Variants in LY75 observed in about 807,000 individuals in gnomAD.
LY75 encodes the protein C-type lectin domain family 13 member B.
LY75 carries 185 observed loss-of-function variants against 231.7 expected under a neutral mutation model. The ratio of observed to expected loss-of-function variants is 0.80; its 90% confidence interval spans 0.71 to 0.90. LY75 has a LOEUF of 0.90. Among genes scored for constraint, LY75 ranks in the 40% least tolerant of loss-of-function variants. LY75 has a pLI of 0.00. For synonymous variants in LY75, 668 were observed against 689.0 expected, an observed-to-expected ratio of 0.97 and a Z score of 0.48; for missense variants, 1,947 against 2,050.2, an observed-to-expected ratio of 0.95 and a Z score of 0.97.
At chr2:159,815,104 C>G (rs1683080421) in intron 31 of LY75, among the ~76,000 whole-genome samples, 1 of 150,870 alleles carries the variant, frequency 6.6e-6, no homozygotes, top group Non-Finnish European at 1.5e-5. Flanking sequence ...GGGTTCACGC[C>G]ATTCTCCCGC....
At chr2:159,881,908 G>T (rs1685447576) in intron 7 of LY75, among the ~76,000 whole-genome samples, 1 of 152,238 alleles carries the variant, frequency 6.6e-6, no homozygotes, top group Non-Finnish European at 1.5e-5. Context: ...TTCCTCAGTT[G>T]CCCTGGCTAC....
intron 6 of LY75, among the ~76,000 whole-genome samples, chr2:159,884,509 T>G (rs1247525739): frequency 1.3e-5 from 2 of 152,166 alleles, no homozygotes; most frequent in Admixed American, 6.6e-5. Context: ...TGTACACATT[T>G]TGTCCCTCTG....
chr2:159,887,076 T>A (rs2125879616), intron 4 of LY75, among the ~76,000 whole-genome samples: 1 of 150,366 alleles, frequency 6.7e-6, no homozygotes, highest in African/African-American at 2.4e-5. Flanking sequence ...GGGTCAGAAA[T>A]ATGTATAGGA....
At chr2:159,894,755 C>T (rs756218041) in intron 2 of LY75, among the ~76,000 whole-genome samples, 3 of 152,172 alleles carry the variant, frequency 2.0e-5, no homozygotes, top group Admixed American at 6.5e-5. Context: ...ATGTGACCGG[C>T]GGGGGGCCAG....
At chr2:159,879,215 G>C (rs1325160776) in intron 9 of LY75, 44 bp downstream of exon 9, 6 of 1,595,826 alleles carry the variant, frequency 3.8e-6, no homozygotes, top group Non-Finnish European at 4.3e-6. Context: ...TAACCAAGAA[G>C]TTGTAATACT....
chr2:159,885,178 T>C lies in LY75; in HGVS notation c.1029A>G (p.Pro343=). The C allele has an allele frequency of 6.2e-7, 1 of 1,613,542 alleles. No individual in the cohort carries two copies. The highest frequency in any genetic ancestry group is 8.5e-7 in the Non-Finnish European group (1 of 1,179,644). ...CTGTTAACTCCACTGTATTATTTAATGGTTTCCTGCAGACATAGGGCAGTT... is the reference window on the plus strand; with the variant it reads ...CTGTTAACTCCACTGTATTATTTAACGGTTTCCTGCAGACATAGGGCAGTT... The part of the protein sequence containing the change: ...EAQLPYVCRK[P]LNNTVELTDV... Residue 343 remains proline (P), a synonymous_variant, in exon 6 of 35, where the codon CCA becomes CCG. Transcript: ENST00000263636.
intron 25 of LY75, 61 bp downstream of exon 25, chr2:159,840,668 T>C (rs765674219): frequency 6.2e-5 from 99 of 1,608,558 alleles, no homozygotes; most frequent in South Asian, 9.9e-5. Flanking sequence ...AGAGAAGCTA[T>C]GCACAATAAA....
chr2:159,806,854 A>G lies in LY75; in HGVS notation c.4990+119T>C, dbSNP rs558346998. On this transcript the variant is annotated intron_variant, in intron 34 of 34. Transcript: ENST00000263636. ...TCTATGACTTAATCAAGATAGTTGG[A>G]TATACTTTAAGGACTAAATACTTCA... The G allele has an allele frequency of 1.3e-5, 16 of 1,220,734 alleles. No individual in the cohort carries two copies. In the African/African-American group the frequency reaches 2.5e-4, roughly 19 times the overall value. 75.6% of individuals were successfully genotyped at this position (1,220,734 alleles called of 1,614,324 possible).
chr2:159,820,149 T>C (rs760399191), intron 28 of LY75, among the ~76,000 whole-genome samples: 2 of 152,234 alleles, frequency 1.3e-5, no homozygotes, highest in African/African-American at 4.8e-5. Context: ...AATTCCACCA[T>C]CCTTCAGTAA....
intron 16 of LY75, among the ~76,000 whole-genome samples, chr2:159,855,989 T>C (rs190108856): frequency 5.2e-4 from 79 of 152,344 alleles, no homozygotes; most frequent in Admixed American, 9.1e-4. Context: ...TCGTATTGGA[T>C]AATTTCCAAC....
intron 28 of LY75, among the ~76,000 whole-genome samples, chr2:159,827,515 G>A (rs956647642): frequency 1.3e-5 from 2 of 152,216 alleles, no homozygotes; most frequent in Non-Finnish European, 1.5e-5. Context: ...TGGTGGGACT[G>A]TAAATTAGTT....
intron 21 of LY75, among the ~76,000 whole-genome samples, chr2:159,851,303 T>C (rs185068063): frequency 3.3e-5 from 5 of 152,308 alleles, no homozygotes; most frequent in Non-Finnish European, 5.9e-5. Flanking sequence ...ATCACTTTAG[T>C]GTAGAGTGGT....
chr2:159,855,690 G>A (rs1343160739), intron 16 of LY75, among the ~76,000 whole-genome samples: 3 of 152,178 alleles, frequency 2.0e-5, no homozygotes, highest in Admixed American at 6.6e-5. Context: ...CTGACTCACA[G>A]AGAGTGAAGG....
At chr2:159,862,485 C>T (rs1248404565) in intron 14 of LY75, among the ~76,000 whole-genome samples, 1 of 151,830 alleles carries the variant, frequency 6.6e-6, no homozygotes, top group Non-Finnish European at 1.5e-5. Flanking sequence ...TCATACTACC[C>T]AAAGATGACT....
At chr2:159,858,701 C>T (rs1462541472) in intron 15 of LY75, among the ~76,000 whole-genome samples, 1 of 152,148 alleles carries the variant, frequency 6.6e-6, no homozygotes, top group Non-Finnish European at 1.5e-5. Context: ...ATGTTTATGT[C>T]CAAAATGCAA....
intron 28 of LY75, among the ~76,000 whole-genome samples, chr2:159,830,730 C>T (rs115833163): frequency 0.18 from 26,608 of 151,948 alleles, 2,677 homozygotes; most frequent in Admixed American, 0.33. Flanking sequence ...ACTAGGCACA[C>T]GTCACCATGC....
At chr2:159,859,053 C>G (rs1307611995) in intron 15 of LY75, among the ~76,000 whole-genome samples, 1 of 152,194 alleles carries the variant, frequency 6.6e-6, no homozygotes, top group Non-Finnish European at 1.5e-5. Flanking sequence ...GAACACTGCC[C>G]TGGCTGGGCT....
intron 28 of LY75, among the ~76,000 whole-genome samples, chr2:159,822,611 G>A (rs574722797): frequency 8.5e-5 from 13 of 152,326 alleles, no homozygotes; most frequent in East Asian, 1.9e-4. Context: ...CACAGTGTTC[G>A]AGCTCTGCTA....
chr2:159,843,628 T>C (rs1222579610), intron 23 of LY75, among the ~76,000 whole-genome samples: 1 of 151,984 alleles, frequency 6.6e-6, no homozygotes, highest in Non-Finnish European at 1.5e-5. Flanking sequence ...TTAAGAAAAG[T>C]TAAGTAAACC....
Sources: gnomAD v4.1 joint callset for allele counts (sites outside exome capture counted in the v4.1 genomes callset) on GRCh38, gnomAD v4.1.1 for gene constraint, MANE v1.5 for transcripts, NCBI Gene and HGNC (gene_info 2026-07-23, HGNC 2026-07-21) for gene names.